Variants in ARHGEF7 observed in about 807,000 individuals in gnomAD.
ARHGEF7 encodes the protein Rho guanine nucleotide exchange factor 7, also known as PAK-interacting exchange factor beta.
Under a neutral mutation model 109.8 loss-of-function variants are expected in ARHGEF7, and 33 were observed. The ratio of observed to expected loss-of-function variants is 0.30; its 90% CI spans 0.23 to 0.40. The LOEUF (loss-of-function observed/expected upper bound fraction) is 0.40. Ranked by LOEUF, ARHGEF7 falls within the 10% of genes least tolerant of loss-of-function variation. The pLI is 1.00. For missense variants in ARHGEF7, 938 were observed against 1,098.5 expected (o/e 0.85, Z 2.07); for synonymous variants, 458 against 424.6 (o/e 1.08, Z -0.97).
intron 2 of ARHGEF7, among the ~76,000 whole-genome samples, chr13:111,189,895 C>T (rs1414472427): frequency 2.0e-5 from 3 of 152,200 alleles, no homozygotes; most frequent in Admixed American, 6.5e-5. Context: ...CAGAAAAGTT[C>T]TCCAAGTCCC....
In ARHGEF7 at chr13:111,294,097, A is replaced by T. The variant is rs79009237; in HGVS notation, c.2311+1803A>T. ...AGTAAAAATAAGAACATTGAGGAGC[A>T]GTCAGAGCCCAGTGTTAATCTCCGG... is the stretch of plus-strand genomic sequence containing the variant. On this transcript the variant is annotated intron_variant, in intron 19 of 21. Transcript: ENST00000646102. The T allele has an allele frequency of 4.8e-3, 4,763 of 985,456 alleles. 199 individuals are homozygous for T. In the African/African-American group the frequency reaches 0.078, roughly 16 times the overall value. The allele number at this position is 985,456 out of a possible 1,614,324, so 61.0% of individuals were successfully genotyped here. A position where few individuals can be genotyped will look rare whatever the true frequency, so the allele number is the denominator to read the frequency against.
chr13:111,286,262 G>A (rs754939525), intron 17 of ARHGEF7, 22 bp downstream of exon 17: 34 of 1,596,120 alleles, frequency 2.1e-5, no homozygotes, highest in Non-Finnish European at 2.7e-5. Flanking sequence ...CGGTCCGTGT[G>A]GTGGAGGACG....
At chr13:111,253,249 A>G (rs1014567974) in intron 8 of ARHGEF7, among the ~76,000 whole-genome samples, 3 of 152,262 alleles carry the variant, frequency 2.0e-5, no homozygotes, top group Admixed American at 1.3e-4. Context: ...TCTTTGGACT[A>G]GTCTGGGAAT....
chr13:111,291,272 C>G (rs913270707), intron 18 of ARHGEF7, among the ~76,000 whole-genome samples: 1 of 152,272 alleles, frequency 6.6e-6, no homozygotes, highest in Non-Finnish European at 1.5e-5. Flanking sequence ...CTCATAGTTG[C>G]CAGCCACTCG....
At chr13:111,176,098 G>C (rs895639429) in intron 2 of ARHGEF7, among the ~76,000 whole-genome samples, 19 of 152,170 alleles carry the variant, frequency 1.2e-4, no homozygotes, top group African/African-American at 4.3e-4. Context: ...TAAAGAGTTG[G>C]TTGGGGACAC....
At position 111,153,992 on chromosome 13, in the gene ARHGEF7, G is replaced by T. The variant is rs1331587327; in HGVS notation, c.252+1G>T. ...CTGCGGGGCTTCCCTGCGGCTGGAG[G>T]TGAGCGCGGGCGGCCACGGGCCGAG... is the stretch of plus-strand genomic sequence containing the variant. On this transcript the variant is annotated splice_donor_variant, in intron 2 of 21. Transcript: ENST00000646102. LOFTEE classifies it high-confidence loss of function. The T allele has an allele frequency of 1.3e-6, 2 of 1,598,636 alleles. No individual in the cohort carries two copies. The highest frequency in any genetic ancestry group is 2.7e-5 in the African/African-American group (2 of 72,946).
chr13:111,163,736 T>C (rs1233808624), intron 2 of ARHGEF7, among the ~76,000 whole-genome samples: 1 of 152,096 alleles, frequency 6.6e-6, no homozygotes, highest in Non-Finnish European at 1.5e-5. Flanking sequence ...GGTTTTGCCA[T>C]GTTGCCCAGG....
chr13:111,186,907 C>T (rs1457284353), intron 2 of ARHGEF7: 38 of 985,390 alleles, frequency 3.9e-5, no homozygotes, highest in Middle Eastern at 5.2e-4. Context: ...CCCCATTTCC[C>T]GGTCTGGTCT....
chr13:111,153,883 G>A, intron 1 of ARHGEF7, 22 bp from the exon 2 acceptor site: 1 of 1,589,006 alleles, frequency 6.3e-7, no homozygotes, highest in Non-Finnish European at 8.5e-7. Context: ...ACGGCGCTCA[G>A]CGCTTGTGCT....
At chr13:111,280,157 A>C in intron 13 of ARHGEF7, 115 bp from the exon 14 acceptor site, 1 of 1,132,088 alleles carries the variant, frequency 8.8e-7, no homozygotes. Context: ...TTTTTGGTTC[A>C]CAAACACAGT....
In ARHGEF7 at chr13:111,258,021, C is replaced by T. The variant is rs2090635861; in HGVS notation, c.951-9527C>T. Among the ~76,000 whole-genome samples, 2 of 152,252 alleles carry T rather than the reference C, an allele frequency of 1.3e-5. No individual in the cohort carries two copies. Among genetic ancestry groups the T allele is most frequent in the Admixed American group, 1.3e-4 (2 of 15,294 alleles). ...CAAGGACTGCACTTCCTGGCTAAGA[C>T]CTAGTGTTGTGCTGGGGCTCTGAGC... On this transcript the variant is annotated intron_variant, in intron 8 of 21. Coordinates refer to ENST00000646102, the MANE Select transcript of ARHGEF7 (RefSeq NM_001354046.2). This position sits in a 1 kb window ranked among gnomAD's most constrained non-coding sequence, Gnocchi z 4.4.
intron 8 of ARHGEF7, among the ~76,000 whole-genome samples, chr13:111,245,314 C>T (rs1273232381): frequency 3.3e-5 from 5 of 152,006 alleles, no homozygotes; most frequent in South Asian, 4.2e-4. Context: ...CTTCTCGGTC[C>T]AACCACTGAG....
chr13:111,133,791 ATATATATATATATATATAT>A (rs2074931568), intron 1 of ARHGEF7, among the ~76,000 whole-genome samples: 3 of 102,904 alleles, frequency 2.9e-5, no homozygotes, highest in South Asian at 6.7e-4. Flanking sequence ...ATATATATAT[ATATATATATATATATATAT>A]ATATTTATTA....
intron 5 of ARHGEF7, among the ~76,000 whole-genome samples, chr13:111,231,997 G>A (rs1421373571): frequency 1.3e-5 from 2 of 152,118 alleles, no homozygotes; most frequent in Admixed American, 1.3e-4. Flanking sequence ...GAAAACCAGT[G>A]GTAAACAGAA....
chr13:111,142,469 A>G (rs529486435), intron 1 of ARHGEF7, among the ~76,000 whole-genome samples: 12 of 152,396 alleles, frequency 7.9e-5, no homozygotes, highest in Admixed American at 5.2e-4. Context: ...CTATGGCCCT[A>G]TTGATTTCAG....
Position 111,181,387 on chromosome 13 carries a change from G to C in ARHGEF7, c.253-23902G>C, listed in dbSNP as rs552170531. 2.0e-5 allele frequency among the ~76,000 whole-genome samples: 3 copies of C among 152,304 alleles called. No individual in the cohort carries two copies. In the South Asian group the frequency reaches 6.2e-4, roughly 32 times the overall value. On this transcript the variant is annotated intron_variant, in intron 2 of 21. Transcript: ENST00000646102. ...GGCAGTTGATTGGAATCTTAGTTTA[G>C]AACTGGCCCCTGGAAGAGGTGGAGG...
intron 19 of ARHGEF7, among the ~76,000 whole-genome samples, chr13:111,299,381 C>T (rs1480436114): frequency 8.1e-6 from 1 of 123,818 alleles, no homozygotes; most frequent in African/African-American, 3.1e-5. Flanking sequence ...CTCGCTCTGT[C>T]GCCCAGGCTG....
At chr13:111,119,870 A>T (rs2067061247) in intron 1 of ARHGEF7, among the ~76,000 whole-genome samples, 1 of 152,184 alleles carries the variant, frequency 6.6e-6, no homozygotes, top group Non-Finnish European at 1.5e-5. Flanking sequence ...CCCTAAAAAG[A>T]ACGTGATGAG....
chr13:111,212,372 C>A (rs117279337), intron 4 of ARHGEF7, among the ~76,000 whole-genome samples: 1,600 of 152,188 alleles, frequency 0.011, 15 homozygotes, highest in Non-Finnish European at 0.018. Context: ...TGGTAGGCGC[C>A]AGTTGTAGAT....
Sources: gnomAD v4.1 joint callset for allele counts (sites outside exome capture counted in the v4.1 genomes callset) on GRCh38, gnomAD v4.1.1 for gene constraint, Gnocchi (gnomAD v3.1) non-coding constraint, MANE v1.5 for transcripts, NCBI Gene and HGNC (gene_info 2026-07-23, HGNC 2026-07-21) for gene names.